EIF4A2: variants seen among roughly 807,000 people sequenced by gnomAD.
The protein encoded by EIF4A2 is eukaryotic initiation factor 4A-II.
In EIF4A2, 9 loss-of-function variants were observed where a neutral mutation model predicts 50.6. The observed-to-expected ratio is 0.18, with a 90% CI of 0.11 to 0.31. The LOEUF (loss-of-function observed/expected upper bound fraction) is 0.31, where lower values mean the gene tolerates loss of function less well. EIF4A2 is among the 10% of genes least tolerant of loss of function. EIF4A2 has a pLI of 1.00. For missense variants in EIF4A2, 182 were observed against 501.8 expected, an observed-to-expected ratio of 0.36 and a Z score of 6.09; for synonymous variants, 215 against 164.4, an observed-to-expected ratio of 1.31 and a Z score of -2.35.
In EIF4A2 at chr3:186,789,102, TTC is replaced by T. The variant is rs747564809; in HGVS notation, c.1080-21_1080-20del. The stretch of plus-strand genomic sequence containing the variant: ...TTTATACATTATGTGAGAAGTAACG[TTC>T]TGATTCTTTTTCTTACACAGAATTG... On this transcript the variant is annotated intron_variant, in intron 10 of 10. Coordinates refer to ENST00000323963, the MANE Select transcript of EIF4A2 (RefSeq NM_001967.4). The T allele has an allele frequency of 4.3e-6, 7 of 1,609,610 alleles. No homozygotes were observed. In the African/African-American group the frequency reaches 5.4e-5, roughly 12 times the overall value.
intron 7 of EIF4A2, chr3:186,786,908 G>A: frequency 3.4e-6 from 3 of 881,898 alleles, no homozygotes; most frequent in Non-Finnish European, 5.6e-6. Context: ...TTGAGACTGG[G>A]TTATGAGACT....
At chr3:186,784,758 G>C in intron 3 of EIF4A2, 62 bp downstream of exon 3, 1 of 1,609,638 alleles carries the variant, frequency 6.2e-7, no homozygotes. Context: ...AAAAGGGAAA[G>C]TAACCTCTGG....
At chr3:186,788,978 T>TA in intron 10 of EIF4A2, 147 bp from the exon 11 acceptor site, 4 of 1,145,650 alleles carry the variant, frequency 3.5e-6, no homozygotes, top group South Asian at 1.9e-5. Flanking sequence ...TTTCTCTAGA[T>TA]ATGCATTAGC....
intron 6 of EIF4A2, 77 bp from the exon 7 acceptor site, chr3:186,786,425 G>C (rs1721715510): frequency 1.3e-6 from 2 of 1,569,918 alleles, no homozygotes; most frequent in Non-Finnish European, 1.7e-6. Context: ...TAGTAAGACA[G>C]AGACGCTTGG....
Position 186,787,777 on chromosome 3 carries a change from T to G in EIF4A2, c.1000-26T>G, listed in dbSNP as rs746317300. On this transcript the variant is annotated intron_variant, in intron 9 of 10. Coordinates refer to ENST00000323963, the MANE Select transcript of EIF4A2 (RefSeq NM_001967.4). Reference sequence around the variant, plus strand: ...AGGTGTCAAGTTTTTTTGAATCAATTTTTAAAACATGCCATTGTGTTTCAG... The same window carrying G: ...AGGTGTCAAGTTTTTTTGAATCAATGTTTAAAACATGCCATTGTGTTTCAG... The G allele has an allele frequency of 8.1e-6, 13 of 1,614,058 alleles. No individual in the cohort carries two copies. The South Asian group carries it at 1.3e-4, about 16-fold the overall frequency.
Position 186,789,309 on chromosome 3 carries a change from C to A in EIF4A2, c.*40C>A. 6.3e-7 allele frequency: 1 copy of A among 1,579,494 alleles called. No individual in the cohort carries two copies. Among genetic ancestry groups the A allele is most frequent in the Non-Finnish European group, 8.6e-7 (1 of 1,162,786 alleles). On this transcript the variant is annotated 3_prime_UTR_variant, in exon 11 of 11. Transcript: ENST00000323963. ...GTTTTGGATGCAGTGCTCGCTGTTG[C>A]TGAATAGGCGATCACAACGTGCATT...
chr3:186,785,831 T>G lies in EIF4A2; in HGVS notation c.349-52T>G, dbSNP rs1721671922. On this transcript the variant is annotated intron_variant, in intron 4 of 10. Coordinates refer to ENST00000323963, the MANE Select transcript of EIF4A2 (RefSeq NM_001967.4). ...ATATTTGCCTTTATGCTTTAAAAAT[T>G]AGTCATTGATCCTGGAGTTCTGCGG... 12 of 1,555,180 alleles carry G rather than the reference T, an allele frequency of 7.7e-6. No homozygotes were observed. In the South Asian group the frequency reaches 1.2e-4, roughly 15 times the overall value.
At chr3:186,785,851 C>G (rs970294231) in intron 4 of EIF4A2, 32 bp from the exon 5 acceptor site, 8 of 1,575,270 alleles carry the variant, frequency 5.1e-6, no homozygotes, top group Non-Finnish European at 6.1e-6. Flanking sequence ...TCCTGGAGTT[C>G]TGCGGAATAA....
At chr3:186,785,602 C>T (rs1032241744) in intron 4 of EIF4A2, 3 of 389,188 alleles carry the variant, frequency 7.7e-6, no homozygotes, top group South Asian at 5.0e-5. Context: ...TCACTACGTA[C>T]TCCCTACCTA....
At position 186,789,392 on chromosome 3, in the gene EIF4A2, A is replaced by T. The variant is rs993255718; in HGVS notation, c.*123A>T. On this transcript the variant is annotated 3_prime_UTR_variant, in exon 11 of 11. Coordinates refer to ENST00000323963, the MANE Select transcript of EIF4A2 (RefSeq NM_001967.4). ...TCTCAATGCTCATAACGGATCAGAA[A>T]TACAGATTTTGATAGCAAAGCGACG... The T allele has an allele frequency of 5.8e-6, 8 of 1,376,614 alleles. No homozygotes were observed. The African/African-American group carries it at 1.2e-4, about 20-fold the overall frequency. The allele number at this position is 1,376,614 out of a possible 1,614,324, so 85.3% of individuals were successfully genotyped here.
chr3:186,786,398 T>C, intron 6 of EIF4A2, 104 bp from the exon 7 acceptor site: 1 of 1,540,670 alleles, frequency 6.5e-7, no homozygotes, highest in Admixed American at 1.9e-5. Flanking sequence ...TGCATAACTC[T>C]GTCTACCTTC....
chr3:186,788,652 C>A, intron 10 of EIF4A2: 1 of 228,852 alleles, frequency 4.4e-6, no homozygotes, highest in South Asian at 5.9e-5. Context: ...GTTACCATAC[C>A]AAATATTTGT....
Position 186,789,706 on chromosome 3 carries a change from A to C in EIF4A2, c.*437A>C. On this transcript the variant is annotated 3_prime_UTR_variant, in exon 11 of 11. Coordinates refer to ENST00000323963, the MANE Select transcript of EIF4A2 (RefSeq NM_001967.4). ...AAAGGCCTTTAAAATTTTTTTAGAA[A>C]GCATTTGAATGCATTTTGTTTGGTA... The C allele has an allele frequency of 5.2e-6, 2 of 383,792 alleles. No individual in the cohort carries two copies. The highest frequency in any genetic ancestry group is 1.0e-4 in the South Asian group (2 of 19,384). 23.8% of individuals were successfully genotyped at this position (383,792 alleles called of 1,614,324 possible). A position where few individuals can be genotyped will look rare whatever the true frequency, so the allele number is the denominator to read the frequency against.
intron 6 of EIF4A2, 58 bp downstream of exon 6, chr3:186,786,331 A>G: frequency 1.3e-6 from 2 of 1,552,106 alleles, no homozygotes; most frequent in South Asian, 2.4e-5. Flanking sequence ...TAATGCAGGT[A>G]CTGTTACAAT....
Position 186,787,098 on chromosome 3 carries a change from CTG to C in EIF4A2, c.772-27_772-26del, listed in dbSNP as rs754120978. 1.1e-5 allele frequency: 17 copies of C among 1,611,624 alleles called. No individual in the cohort carries two copies. In the South Asian group the frequency reaches 1.5e-4, roughly 15 times the overall value. On this transcript the variant is annotated intron_variant, in intron 7 of 10. Coordinates refer to ENST00000323963, the MANE Select transcript of EIF4A2 (RefSeq NM_001967.4). ...CTGAAGAGTTGGAAAAACTAAATGACTGTTAACTTTAACTTCTAAACATTACA... is the reference window on the plus strand; with the variant it reads ...CTGAAGAGTTGGAAAAACTAAATGACTTAACTTTAACTTCTAAACATTACA...
intron 10 of EIF4A2, chr3:186,788,111 T>G (rs1354091): frequency 0.26 from 175,854 of 673,198 alleles, 24,972 homozygotes; most frequent in East Asian, 0.42. Context: ...ATTGTTGGTC[T>G]TACCTTATGC....
intron 1 of EIF4A2, 157 bp downstream of exon 1, chr3:186,783,796 G>T: frequency 8.3e-7 from 1 of 1,207,738 alleles, no homozygotes; most frequent in Non-Finnish European, 1.2e-6. Context: ...TGATGGGTAG[G>T]GCCCGGATTG....
chr3:186,789,783 T>C lies in EIF4A2; in HGVS notation c.*514T>C. On this transcript the variant is annotated 3_prime_UTR_variant, in exon 11 of 11. Coordinates refer to ENST00000323963, the MANE Select transcript of EIF4A2 (RefSeq NM_001967.4). The stretch of plus-strand genomic sequence containing the variant: ...TTAGTGCTAAGTGTGAACTGGACCC[T>C]GTTGCTAAGCCCCAGCAAGCAATCC... 3.5e-6 allele frequency: 2 copies of C among 569,762 alleles called. No homozygotes were observed. Among genetic ancestry groups the C allele is most frequent in the Non-Finnish European group, 6.2e-6 (2 of 322,526 alleles). The allele number at this position is 569,762 out of a possible 1,614,324, so 35.3% of individuals were successfully genotyped here. A position where few individuals can be genotyped will look rare whatever the true frequency, so the allele number is the denominator to read the frequency against.
chr3:186,786,716 G>A, intron 7 of EIF4A2, 71 bp downstream of exon 7: 2 of 1,600,774 alleles, frequency 1.2e-6, no homozygotes, highest in African/African-American at 1.4e-5. Context: ...CAGACACTAG[G>A]ACCATGTCTT....
Sources: allele counts gnomAD v4.1 joint callset, GRCh38; gene constraint gnomAD v4.1.1; transcripts MANE v1.5; gene names NCBI Gene and HGNC (gene_info 2026-07-23, HGNC 2026-07-21).